CUL4A: variants seen among roughly 807,000 people sequenced by gnomAD.
CUL4A encodes cullin-4A.
A neutral mutation model predicts 95.5 loss-of-function variants in CUL4A; 16 were observed. That is an observed-to-expected ratio of 0.17 (90% CI 0.11 to 0.25). CUL4A has a LOEUF of 0.25. CUL4A is among the 10% of genes least tolerant of loss of function. The pLI is 1.00. For missense variants in CUL4A, 610 were observed against 937.0 expected (o/e 0.65, Z 4.56); for synonymous variants, 380 against 353.1 (o/e 1.08, Z -0.85).
At position 113,258,364 on chromosome 13, in the gene CUL4A, G is replaced by A. The variant is rs534139800; in HGVS notation, c.2032-2243G>A. Among the ~76,000 whole-genome samples the A allele has an allele frequency of 2.9e-4, 44 of 152,156 alleles. 1 individual carries two copies. Among genetic ancestry groups the A allele is most frequent in the Admixed American group, 5.9e-4 (9 of 15,284 alleles). ...ATGAACTTGACAATAATTGTATCACGCCTTTGCTCCCCCAAATAAGAACAT... is the reference window on the plus strand; with the variant it reads ...ATGAACTTGACAATAATTGTATCACACCTTTGCTCCCCCAAATAAGAACAT... On this transcript the variant is annotated intron_variant, in intron 18 of 19. Transcript: ENST00000375440.
At chr13:113,236,166 A>G (rs2041537595) in intron 8 of CUL4A, among the ~76,000 whole-genome samples, 1 of 152,068 alleles carries the variant, frequency 6.6e-6, no homozygotes, top group South Asian at 2.1e-4. Context: ...AATCCAGCAC[A>G]AAAACAGAGA....
intron 10 of CUL4A, among the ~76,000 whole-genome samples, chr13:113,240,502 G>A (rs993198866): frequency 2.6e-5 from 4 of 152,200 alleles, no homozygotes; most frequent in Non-Finnish European, 4.4e-5. Context: ...AGCTTAAATG[G>A]TGAACATTTA....
chr13:113,243,942 G>A (rs1397323108), intron 11 of CUL4A, among the ~76,000 whole-genome samples: 8 of 152,258 alleles, frequency 5.3e-5, no homozygotes, highest in East Asian at 3.9e-4. Flanking sequence ...GCCACCTGAC[G>A]ATGGCTTGTG....
At chr13:113,245,598 G>C (rs762772161) in intron 14 of CUL4A, among the ~76,000 whole-genome samples, 4 of 152,168 alleles carry the variant, frequency 2.6e-5, no homozygotes, top group Non-Finnish European at 4.4e-5. Context: ...GCAGTACCTT[G>C]TCATAGATAG....
At chr13:113,234,349 CA>C (rs1165123518) in intron 7 of CUL4A, among the ~76,000 whole-genome samples, 1 of 151,826 alleles carries the variant, frequency 6.6e-6, no homozygotes, top group Non-Finnish European at 1.5e-5. Flanking sequence ...AAAATTTTCC[CA>C]AAAAAAGCTG....
chr13:113,252,851 C>T (rs113034022), intron 15 of CUL4A, among the ~76,000 whole-genome samples: 97 of 152,340 alleles, frequency 6.4e-4, no homozygotes, highest in African/African-American at 2.2e-3. Flanking sequence ...CGGAATACAG[C>T]TGGTCTGTAC....
chr13:113,254,488 G>A (rs544940853), intron 16 of CUL4A, among the ~76,000 whole-genome samples: 14 of 152,044 alleles, frequency 9.2e-5, no homozygotes, highest in African/African-American at 1.9e-4. Context: ...CCAGCTACTC[G>A]GGAGGCTGAG....
intron 5 of CUL4A, among the ~76,000 whole-genome samples, chr13:113,232,186 GC>G (rs1566343651): frequency 0.76 from 4,962 of 6,568 alleles, 2,224 homozygotes; most frequent in Non-Finnish European, 0.91. Flanking sequence ...CACCATTACT[GC>G]TGCCACCACT....
chr13:113,226,119 C>G (rs984376993), intron 3 of CUL4A, among the ~76,000 whole-genome samples: 10 of 152,024 alleles, frequency 6.6e-5, no homozygotes, highest in Non-Finnish European at 1.2e-4. Flanking sequence ...ACCCTACCCT[C>G]CCTGGCACTC....
chr13:113,229,172 CT>C lies in CUL4A; in HGVS notation c.439-273del, dbSNP rs1402908607. The stretch of plus-strand genomic sequence containing the variant: ...TTAAAAGATATCCTTTAGGCCTTGG[CT>C]GAACACAGGATCTCTTTAAAAAGAA... On this transcript the variant is annotated intron_variant, in intron 4 of 19. Coordinates refer to ENST00000375440, the MANE Select transcript of CUL4A (RefSeq NM_001008895.4). Among the ~76,000 whole-genome samples the C allele has an allele frequency of 2.6e-5, 4 of 152,004 alleles. No individual in the cohort carries two copies. In the South Asian group the frequency reaches 8.3e-4, roughly 32 times the overall value.
chr13:113,237,175 A>G (rs1319897084), intron 9 of CUL4A, among the ~76,000 whole-genome samples: 1 of 152,218 alleles, frequency 6.6e-6, no homozygotes, highest in East Asian at 1.9e-4. Context: ...ACATGGGTGC[A>G]GTGAGCCTGT....
intron 2 of CUL4A, among the ~76,000 whole-genome samples, chr13:113,218,450 T>C (rs1335017924): frequency 6.6e-6 from 1 of 152,320 alleles, no homozygotes; most frequent in East Asian, 1.9e-4. Flanking sequence ...GTTGTTCTCC[T>C]TCCTGATGGG....
At chr13:113,235,650 G>A (rs114629098) in intron 8 of CUL4A, among the ~76,000 whole-genome samples, 3,763 of 152,172 alleles carry the variant, frequency 0.025, 63 homozygotes, top group Middle Eastern at 0.031. Context: ...AGAGGCAGAG[G>A]GGACAGCAAG....
Position 113,210,064 on chromosome 13 carries a change from G to A in CUL4A, c.240G>A (p.Arg80=), listed in dbSNP as rs1216491389. 6 of 1,515,196 alleles carry A rather than the reference G, an allele frequency of 4.0e-6. No homozygotes were observed. Among genetic ancestry groups the A allele is most frequent in the African/African-American group, 2.9e-5 (2 of 68,916 alleles). The allele number at this position is 1,515,196 out of a possible 1,614,324, so 93.9% of individuals were successfully genotyped here. A position where few individuals can be genotyped will look rare whatever the true frequency, so the allele number is the denominator to read the frequency against. ...VRAVQSSTSI[R]YNLEELYQAV... is the part of the protein sequence containing the mutation. ...CCGTGCAGAGCAGCACCTCCATCAGGTACAACCTCGAGGAGCTCTACCAGG... is the reference window on the plus strand; with the variant it reads ...CCGTGCAGAGCAGCACCTCCATCAGATACAACCTCGAGGAGCTCTACCAGG... The change falls in exon 2 of 20, where the codon AGG becomes AGA. Residue 80 remains arginine, a synonymous_variant. Transcript: ENST00000375440.
rs78889982 is a variant in CUL4A, at chr13:113,231,870, G to T, written c.513-1307G>T. Among the ~76,000 whole-genome samples, 2,233 of 152,182 alleles carry T rather than the reference G, an allele frequency of 0.015. 151 individuals carry two copies. The East Asian group carries it at 0.19, about 13-fold the overall frequency. On this transcript the variant is annotated intron_variant, in intron 5 of 19. Coordinates refer to ENST00000375440, the MANE Select transcript of CUL4A (RefSeq NM_001008895.4). ...ATGGTGATGTGGGCAGTCAAGGGAGGTGCACGTCTCCACCATTGAGGTGGC... is the reference window on the plus strand; with the variant it reads ...ATGGTGATGTGGGCAGTCAAGGGAGTTGCACGTCTCCACCATTGAGGTGGC...
intron 2 of CUL4A, among the ~76,000 whole-genome samples, chr13:113,216,537 A>G (rs2040698924): frequency 6.6e-6 from 1 of 152,244 alleles, no homozygotes; most frequent in Non-Finnish European, 1.5e-5. Context: ...TAGAATGCAA[A>G]TGATACTTCT....
At chr13:113,235,555 A>G (rs2041510423) in intron 8 of CUL4A, among the ~76,000 whole-genome samples, 1 of 152,144 alleles carries the variant, frequency 6.6e-6, no homozygotes, top group Non-Finnish European at 1.5e-5. Context: ...CCTGAGGTTG[A>G]TGAGTAGCTA....
At chr13:113,220,489 G>T (rs1162461630) in intron 3 of CUL4A, among the ~76,000 whole-genome samples, 1 of 152,212 alleles carries the variant, frequency 6.6e-6, no homozygotes, top group South Asian at 2.1e-4. Flanking sequence ...CAGTGCCACG[G>T]CTCAGCAATG....
At position 113,224,849 on chromosome 13, in the gene CUL4A, C is replaced by T. The variant is rs560301170; in HGVS notation, c.369-3127C>T. 3.3e-5 allele frequency among the ~76,000 whole-genome samples: 5 copies of T among 152,334 alleles called. No individual in the cohort carries two copies. In the South Asian group the frequency reaches 1.0e-3, roughly 32 times the overall value. On this transcript the variant is annotated intron_variant, in intron 3 of 19. Coordinates refer to ENST00000375440, the MANE Select transcript of CUL4A (RefSeq NM_001008895.4). Reference sequence around the variant, plus strand: ...GATCAGAGGAGACAAAACAAGCACCCCTGCCTTCATGGGTTGTGTGGATGA... The same window carrying T: ...GATCAGAGGAGACAAAACAAGCACCTCTGCCTTCATGGGTTGTGTGGATGA...
Sources: gnomAD v4.1 joint callset for allele counts (sites outside exome capture counted in the v4.1 genomes callset) on GRCh38, gnomAD v4.1.1 for gene constraint, MANE v1.5 for transcripts, NCBI Gene and HGNC (gene_info 2026-07-23, HGNC 2026-07-21) for gene names.